The following RBFOX2 variants were observed in gnomAD, a reference collection of about 807,000 sequenced individuals.
The protein encoded by RBFOX2 is RNA binding protein fox-1 homolog 2.
A neutral mutation model predicts 49.1 loss-of-function variants in RBFOX2; 10 were observed. The ratio of observed to expected loss-of-function variants is 0.20; its 90% CI spans 0.13 to 0.35. RBFOX2 has a LOEUF of 0.35. Ranked by LOEUF, RBFOX2 falls within the 10% of genes least tolerant of loss-of-function variation. The pLI, the probability that RBFOX2 is intolerant of heterozygous loss-of-function variation, is 1.00. For missense variants in RBFOX2, 323 were observed against 486.9 expected (o/e 0.66, Z 3.17); for synonymous variants, 183 against 187.4 (o/e 0.98, Z 0.19).
intron 1 of RBFOX2, among the ~76,000 whole-genome samples, chr22:35,833,243 T>G (rs981926584): frequency 2.0e-5 from 3 of 152,080 alleles, no homozygotes; most frequent in Non-Finnish European, 4.4e-5. Context: ...GTAGGAAAAA[T>G]AAGCAAGGCA....
chr22:35,741,025 T>G (rs1381511500), exon 12 of RBFOX2: 1 of 152,034 alleles, frequency 6.6e-6, no homozygotes, highest in East Asian at 1.9e-4. Flanking sequence ...GAAAAAAAAA[T>G]GTTGGCTCAA....
intron 1 of RBFOX2, among the ~76,000 whole-genome samples, chr22:35,813,237 CATTATTAA>C: frequency 6.6e-6 from 1 of 152,246 alleles, no homozygotes; most frequent in East Asian, 1.9e-4. Context: ...CCCAAGTATA[CATTATTAA>C]AAATGTCAAA....
chr22:35,850,188 T>G (rs140468685), intron 1 of RBFOX2, among the ~76,000 whole-genome samples: 5 of 90,156 alleles, frequency 5.5e-5, no homozygotes, highest in Non-Finnish European at 6.5e-5. Flanking sequence ...TCTGTCTCTC[T>G]CTCATACACA....
At chr22:35,890,006 C>T (rs1222112427) in intron 1 of RBFOX2, among the ~76,000 whole-genome samples, 1 of 152,008 alleles carries the variant, frequency 6.6e-6, no homozygotes, top group African/African-American at 2.4e-5. Flanking sequence ...CAACCAAGAC[C>T]CGAAACTGTA....
chr22:35,990,180 T>A (rs973585361), intron 1 of RBFOX2, among the ~76,000 whole-genome samples: 2 of 152,012 alleles, frequency 1.3e-5, no homozygotes, highest in Non-Finnish European at 2.9e-5. Context: ...AGACTCTGTC[T>A]AAAAACAAAA....
At chr22:35,874,507 CA>C (rs2044763308) in intron 1 of RBFOX2, among the ~76,000 whole-genome samples, 1 of 151,714 alleles carries the variant, frequency 6.6e-6, no homozygotes, top group Non-Finnish European at 1.5e-5. Context: ...TGGTCAAAAA[CA>C]GAAAGGAAAT....
At chr22:35,964,972 A>G (rs1006938885), upstream of RBFOX2, among the ~76,000 whole-genome samples, 3 of 152,228 alleles carry the variant, frequency 2.0e-5, no homozygotes, top group Non-Finnish European at 2.9e-5. Context: ...TCAATCATCC[A>G]TTCTTTCTTC....
chr22:35,823,115 C>T lies in RBFOX2; in HGVS notation c.28-13111G>A, dbSNP rs902852179. Among the ~76,000 whole-genome samples, 4 of 152,192 alleles carry T rather than the reference C, an allele frequency of 2.6e-5. 1 individual carries two copies. Among genetic ancestry groups the T allele is most frequent in the African/African-American group, 9.7e-5 (4 of 41,444 alleles). ...AGATTACAGGCATGAGCCACCGCAT[C>T]CGGCCTTGTTTTTCCTTTGTTAATG... On this transcript the variant is annotated intron_variant, in intron 1 of 11. Coordinates refer to ENST00000405409, the Ensembl canonical transcript of RBFOX2.
upstream of RBFOX2, among the ~76,000 whole-genome samples, chr22:35,844,128 A>T (rs1301330767): frequency 6.6e-6 from 1 of 152,134 alleles, no homozygotes; most frequent in East Asian, 1.9e-4. Context: ...GCCTTTCCTG[A>T]CCCTACTTGC....
intron 1 of RBFOX2, among the ~76,000 whole-genome samples, chr22:35,899,177 CA>C (rs2048259142): frequency 6.7e-6 from 1 of 149,608 alleles, no homozygotes; most frequent in Admixed American, 6.7e-5. Flanking sequence ...CATAACATAA[CA>C]AACATAAAAA....
chr22:35,897,559 G>T, intron 1 of RBFOX2: 1 of 899,884 alleles, frequency 1.1e-6, no homozygotes, highest in Non-Finnish European at 1.9e-6. Context: ...GTGAGCCACA[G>T]CAAAGATGTA....
At chr22:35,916,371 T>G (rs922160292) in intron 1 of RBFOX2, among the ~76,000 whole-genome samples, 1 of 152,180 alleles carries the variant, frequency 6.6e-6, no homozygotes, top group Non-Finnish European at 1.5e-5. Context: ...AACCTCTGCC[T>G]CCCGGATTCA....
chr22:36,001,838 C>A (rs1003224633), intron 1 of RBFOX2, among the ~76,000 whole-genome samples: 1 of 151,658 alleles, frequency 6.6e-6, no homozygotes, highest in Non-Finnish European at 1.5e-5. Context: ...CCAAGGCGGG[C>A]GGATCACTTG....
At chr22:35,975,255 A>C (rs1423731424) in intron 1 of RBFOX2, among the ~76,000 whole-genome samples, 3 of 152,234 alleles carry the variant, frequency 2.0e-5, no homozygotes, top group Admixed American at 6.5e-5. Flanking sequence ...GCAAACTAGT[A>C]TCAGTCTACA....
intron 1 of RBFOX2, among the ~76,000 whole-genome samples, chr22:36,012,076 G>A (rs2146385874): frequency 6.6e-6 from 1 of 152,222 alleles, no homozygotes. Flanking sequence ...GAATAACTTT[G>A]AGATGAAAAA....
At chr22:35,964,543 A>T (rs773472091), upstream of RBFOX2, among the ~76,000 whole-genome samples, 11 of 152,212 alleles carry the variant, frequency 7.2e-5, no homozygotes, top group Non-Finnish European at 1.6e-4. Flanking sequence ...GAAAAAAATT[A>T]TCACTGTCAT....
intron 1 of RBFOX2, chr22:35,836,250 A>G (rs1047199793): frequency 4.6e-5 from 7 of 152,230 alleles, no homozygotes; most frequent in African/African-American, 1.7e-4. Flanking sequence ...TAGATTCTCT[A>G]CTCCAACTCC....
At chr22:35,786,731 C>A (rs1403510254) in intron 2 of RBFOX2, among the ~76,000 whole-genome samples, 1 of 152,218 alleles carries the variant, frequency 6.6e-6, no homozygotes, top group African/African-American at 2.4e-5. Flanking sequence ...GAAACAGGTA[C>A]TACCATTATC....
At chr22:35,945,996 C>T (rs1404016815) in intron 1 of RBFOX2, among the ~76,000 whole-genome samples, 1 of 152,138 alleles carries the variant, frequency 6.6e-6, no homozygotes, top group Non-Finnish European at 1.5e-5. Context: ...TTACCGCTCC[C>T]CCCTTTTTTT....
Sources: gnomAD v4.1 joint callset for allele counts (sites outside exome capture counted in the v4.1 genomes callset) on GRCh38, gnomAD v4.1.1 for gene constraint, MANE v1.5 for transcripts, NCBI Gene and HGNC (gene_info 2026-07-23, HGNC 2026-07-21) for gene names.